The following SPAG16 variants were observed in gnomAD, a reference collection of about 807,000 sequenced individuals.
The protein encoded by SPAG16 is sperm-associated antigen 16 protein.
A neutral mutation model predicts 80.4 loss-of-function variants in SPAG16; 86 were observed. That is an observed-to-expected ratio of 1.07 (90% CI 0.90 to 1.28). SPAG16 has a LOEUF of 1.28. SPAG16 is among the 50% of genes most tolerant of loss of function. The pLI is 0.00. For synonymous variants in SPAG16, 294 were observed against 265.9 expected, an observed-to-expected ratio of 1.11 and a Z score of -1.03; for missense variants, 870 against 765.3, an observed-to-expected ratio of 1.14 and a Z score of -1.61.
intron 13 of SPAG16, among the ~76,000 whole-genome samples, chr2:214,070,957 A>G (rs1234526119): frequency 1.3e-5 from 2 of 152,122 alleles, no homozygotes; most frequent in African/African-American, 4.8e-5. Flanking sequence ...GGCTGAGTCA[A>G]CTAAGAAATT....
At chr2:213,990,386 C>T (rs1175676779) in intron 12 of SPAG16, among the ~76,000 whole-genome samples, 1 of 152,108 alleles carries the variant, frequency 6.6e-6, no homozygotes, top group Admixed American at 6.6e-5. Flanking sequence ...CAACTGCCCA[C>T]ACAGTCAGAA....
At chr2:214,177,946 T>TATACA (rs2057163844) in intron 15 of SPAG16, among the ~76,000 whole-genome samples, 1 of 110,970 alleles carries the variant, frequency 9.0e-6, no homozygotes, top group Non-Finnish European at 1.8e-5. Flanking sequence ...GCCAGAATTG[T>TATACA]TATATCTAAC....
chr2:214,169,769 G>C (rs1293100658), intron 15 of SPAG16, among the ~76,000 whole-genome samples: 1 of 151,986 alleles, frequency 6.6e-6, no homozygotes, highest in African/African-American at 2.4e-5. Flanking sequence ...CATTTACCTG[G>C]AAAGTATCCT....
At chr2:214,257,838 A>G in intron 15 of SPAG16, among the ~76,000 whole-genome samples, 1 of 152,054 alleles carries the variant, frequency 6.6e-6, no homozygotes, top group Admixed American at 6.6e-5. Flanking sequence ...CCAACTGGGA[A>G]GTGTTCTCAC....
At chr2:213,886,629 A>G (rs1348223377) in intron 11 of SPAG16, among the ~76,000 whole-genome samples, 2 of 152,158 alleles carry the variant, frequency 1.3e-5, no homozygotes, top group Non-Finnish European at 2.9e-5. Flanking sequence ...ATGCCAAAAA[A>G]TATGAGAGGA....
chr2:213,580,091 G>GA (rs2060253722), intron 10 of SPAG16, among the ~76,000 whole-genome samples: 1 of 151,766 alleles, frequency 6.6e-6, no homozygotes, highest in Non-Finnish European at 1.5e-5. Context: ...AAATCTAGCT[G>GA]ACCTTTCCCT....
intron 10 of SPAG16, among the ~76,000 whole-genome samples, chr2:213,757,700 C>G (rs1241583067): frequency 6.6e-6 from 1 of 152,108 alleles, no homozygotes; most frequent in African/African-American, 2.4e-5. Flanking sequence ...CTACCCATTT[C>G]CCACAGTCAC....
At position 213,903,659 on chromosome 2, in the gene SPAG16, A is replaced by T. The variant is rs577477416; in HGVS notation, c.1215-26301A>T. Among the ~76,000 whole-genome samples the T allele has an allele frequency of 1.1e-4, 17 of 152,262 alleles. No individual in the cohort carries two copies. The Middle Eastern group carries it at 0.01, about 91-fold the overall frequency. ...ACATATTGTCCTCATTGTCTTGGGGATTAATTCCGCTCCTTGTTACTTATG... is the reference window on the plus strand; with the variant it reads ...ACATATTGTCCTCATTGTCTTGGGGTTTAATTCCGCTCCTTGTTACTTATG... On this transcript the variant is annotated intron_variant, in intron 11 of 15. Coordinates refer to ENST00000331683, the MANE Select transcript of SPAG16 (RefSeq NM_024532.5).
At chr2:213,700,106 C>T (rs902182238) in intron 10 of SPAG16, among the ~76,000 whole-genome samples, 1 of 151,916 alleles carries the variant, frequency 6.6e-6, no homozygotes, top group Non-Finnish European at 1.5e-5. Context: ...AATGTGTATA[C>T]ATGCATGTAA....
At chr2:214,022,679 A>C (rs2047931313) in intron 13 of SPAG16, among the ~76,000 whole-genome samples, 1 of 150,460 alleles carries the variant, frequency 6.6e-6, no homozygotes, top group Non-Finnish European at 1.5e-5. Flanking sequence ...TGAGGGAACA[A>C]TGGAGGGTGA....
chr2:213,304,704 T>G (rs1412094532), intron 3 of SPAG16, among the ~76,000 whole-genome samples: 1 of 152,064 alleles, frequency 6.6e-6, no homozygotes, highest in Admixed American at 6.6e-5. Context: ...ATGGATGTGT[T>G]TCTGTGTGCT....
At chr2:214,125,123 A>C (rs919594593) in intron 14 of SPAG16, among the ~76,000 whole-genome samples, 1 of 151,484 alleles carries the variant, frequency 6.6e-6, no homozygotes, top group Non-Finnish European at 1.5e-5. Flanking sequence ...TTTGTTTCTA[A>C]CTTTAATACC....
chr2:214,055,601 G>A (rs549659629), intron 13 of SPAG16, among the ~76,000 whole-genome samples: 5 of 152,252 alleles, frequency 3.3e-5, no homozygotes, highest in African/African-American at 1.2e-4. Context: ...TGTCTAAAAT[G>A]TAGGAGACAG....
chr2:213,975,760 G>T (rs540808742), intron 12 of SPAG16, among the ~76,000 whole-genome samples: 1 of 151,996 alleles, frequency 6.6e-6, no homozygotes, highest in South Asian at 2.1e-4. Flanking sequence ...CATGGAAAGA[G>T]AAAAATTGAA....
intron 13 of SPAG16, among the ~76,000 whole-genome samples, chr2:214,080,932 T>C (rs566982971): frequency 6.6e-6 from 1 of 151,998 alleles, no homozygotes; most frequent in Non-Finnish European, 1.5e-5. Flanking sequence ...TGAATAGGTG[T>C]GGGATGTAAG....
intron 15 of SPAG16, among the ~76,000 whole-genome samples, chr2:214,314,699 T>C (rs2125984029): frequency 6.6e-6 from 1 of 152,100 alleles, no homozygotes; most frequent in East Asian, 1.9e-4. Flanking sequence ...AAAGAAGTAA[T>C]TGATTAAGTT....
chr2:213,682,630 G>C (rs903441503), intron 10 of SPAG16, among the ~76,000 whole-genome samples: 2 of 152,110 alleles, frequency 1.3e-5, no homozygotes, highest in Non-Finnish European at 2.9e-5. Context: ...TTTATTGTGG[G>C]GTCGGCATGT....
chr2:213,514,444 T>G (rs1680849480), intron 10 of SPAG16, among the ~76,000 whole-genome samples: 1 of 152,222 alleles, frequency 6.6e-6, no homozygotes, highest in East Asian at 1.9e-4. Context: ...AAAATTACTA[T>G]TAGAAATTTA....
Position 213,989,149 on chromosome 2 carries a change from C to A in SPAG16, c.1401-24802C>A, listed in dbSNP as rs149762038. 3.1e-3 allele frequency among the ~76,000 whole-genome samples: 470 copies of A among 152,218 alleles called. 1 individual carries two copies. The highest frequency in any genetic ancestry group is 4.1e-3 in the Non-Finnish European group (278 of 67,980). On this transcript the variant is annotated intron_variant, in intron 12 of 15. Transcript: ENST00000331683. ...ATATGTATTCTACAATGGATTGAGACTGCTAGGACAATAAGAATGATTCTC... is the reference window on the plus strand; with the variant it reads ...ATATGTATTCTACAATGGATTGAGAATGCTAGGACAATAAGAATGATTCTC...
Sources: gnomAD v4.1 joint callset for allele counts (sites outside exome capture counted in the v4.1 genomes callset) on GRCh38, gnomAD v4.1.1 for gene constraint, MANE v1.5 for transcripts, NCBI Gene and HGNC (gene_info 2026-07-23, HGNC 2026-07-21) for gene names.